Variants in PIEZO2 observed in about 807,000 individuals in gnomAD.
The protein encoded by PIEZO2 is piezo type mechanosensitive ion channel component 2.
PIEZO2 carries 172 observed loss-of-function variants against 337.3 expected under a neutral mutation model. The observed-to-expected ratio is 0.51, with a 90% CI of 0.45 to 0.58. The LOEUF (loss-of-function observed/expected upper bound fraction) is 0.58. PIEZO2 is among the 20% of genes least tolerant of loss of function. The pLI is 0.00. For synonymous variants in PIEZO2, 1,251 were observed against 1,228.5 expected (o/e 1.02, Z -0.38); for missense variants, 3,028 against 3,391.3 (o/e 0.89, Z 2.66).
At chr18:10,697,063 T>C (rs550131790) in intron 45 of PIEZO2, among the ~76,000 whole-genome samples, 50 of 152,312 alleles carry the variant, frequency 3.3e-4, no homozygotes, top group African/African-American at 1.1e-3. Context: ...TTAGGGCCTG[T>C]GTCCATGCTG....
intron 3 of PIEZO2, among the ~76,000 whole-genome samples, chr18:10,912,970 A>G (rs2030611080): frequency 1.3e-5 from 2 of 152,052 alleles, no homozygotes; most frequent in South Asian, 4.1e-4. Flanking sequence ...AGGAGTAAAA[A>G]AAAAAACACA....
chr18:10,898,104 A>G (rs1357446345), intron 4 of PIEZO2, among the ~76,000 whole-genome samples: 2 of 152,280 alleles, frequency 1.3e-5, no homozygotes, highest in Non-Finnish European at 2.9e-5. Flanking sequence ...GCACACGCTC[A>G]TGAATACAGC....
chr18:11,081,404 T>C (rs2038735562), intron 1 of PIEZO2, among the ~76,000 whole-genome samples: 1 of 152,156 alleles, frequency 6.6e-6, no homozygotes. Flanking sequence ...GAAATCAAAA[T>C]TGTAATCCCA....
intron 1 of PIEZO2, among the ~76,000 whole-genome samples, chr18:11,074,762 C>G (rs1427978175): frequency 6.6e-6 from 1 of 152,174 alleles, no homozygotes; most frequent in African/African-American, 2.4e-5. Flanking sequence ...GGCCACATAA[C>G]ATTTGTAAAA....
chr18:11,079,654 T>TAAA (rs2038669019), intron 1 of PIEZO2, among the ~76,000 whole-genome samples: 1 of 152,154 alleles, frequency 6.6e-6, no homozygotes, highest in Non-Finnish European at 1.5e-5. Context: ...AAGGAATAAA[T>TAAA]TAATTCCTGC....
Position 10,681,932 on chromosome 18 carries a change from A to G in PIEZO2, c.7686+172T>C, listed in dbSNP as rs545618. Among the ~76,000 whole-genome samples, 147,572 of 151,046 alleles carry G rather than the reference A, an allele frequency of 0.98. 72,129 individuals are homozygous for G. The highest frequency in any genetic ancestry group is 0.99 in the Admixed American group (14,887 of 15,094). On this transcript the variant is annotated intron_variant, in intron 50 of 55. Coordinates refer to ENST00000674853, the MANE Select transcript of PIEZO2 (RefSeq NM_001378183.1). Reference sequence around the variant, plus strand: ...TATTCCCGTGCTCAAGACCAAAGGGAAACTAGTCTCTCAGTGTCTTCTGCA... The same window carrying G: ...TATTCCCGTGCTCAAGACCAAAGGGGAACTAGTCTCTCAGTGTCTTCTGCA...
intron 4 of PIEZO2, among the ~76,000 whole-genome samples, chr18:10,901,445 C>G (rs1048470382): frequency 9.9e-5 from 15 of 151,942 alleles, no homozygotes; most frequent in Admixed American, 2.6e-4. Context: ...CACACACACA[C>G]ACACACACAC....
chr18:10,705,778 T>C (rs763963451), intron 40 of PIEZO2, 32 bp from the exon 41 acceptor site: 1 of 1,482,154 alleles, frequency 6.7e-7, no homozygotes. Flanking sequence ...ACAGAGCCCA[T>C]GTCTTAGCAT....
intron 3 of PIEZO2, among the ~76,000 whole-genome samples, chr18:10,970,764 T>C (rs897600339): frequency 8.0e-5 from 12 of 150,592 alleles, no homozygotes; most frequent in Admixed American, 7.9e-4. Flanking sequence ...CTTGTTAGAG[T>C]ACTTGATCCA....
intron 36 of PIEZO2, among the ~76,000 whole-genome samples, chr18:10,730,414 C>A (rs754646263): frequency 2.6e-5 from 4 of 152,264 alleles, no homozygotes; most frequent in African/African-American, 9.6e-5. Flanking sequence ...TTCACACGCT[C>A]TCATTGATTG....
In PIEZO2 at chr18:10,759,805, T is replaced by A. The variant is rs2143847243; in HGVS notation, c.3555A>T (p.Lys1185Asn). ...ACTTGGGCCAGATCTCTGCGATGGC[T>A]TTCCTTCTGCGTCTATATAAGACAG... is the stretch of plus-strand genomic sequence containing the variant. The part of the protein sequence containing the change: ...LIAVLYRRRR[K>N]AIAEIWPKYC... Residue 1185 changes from lysine (K) to asparagine (N), a missense_variant, in exon 25 of 56, where the codon AAA (lysine) becomes AAT (asparagine). Lys to Asn is a moderately conservative substitution (Grantham distance 94). Around this residue, in one of 5 missense-constraint regions of PIEZO2, gnomAD observed 1,925 missense variants for 2,051.9 expected, o/e 0.94. Transcript: ENST00000674853. The surrounding 1 kb of genome is among the most constrained non-coding windows in gnomAD (Gnocchi z 5.5). The A allele has an allele frequency of 2.0e-6, 3 of 1,537,366 alleles. No homozygotes were observed. Among genetic ancestry groups the A allele is most frequent in the Non-Finnish European group, 2.6e-6 (3 of 1,146,932 alleles).
intron 43 of PIEZO2, among the ~76,000 whole-genome samples, chr18:10,700,725 A>G (rs2035295013): frequency 6.6e-6 from 1 of 152,230 alleles, no homozygotes. Context: ...AGACTAAAAA[A>G]CAAGGTTAAT....
intron 4 of PIEZO2, among the ~76,000 whole-genome samples, chr18:10,883,534 A>C (rs1198923517): frequency 6.6e-6 from 1 of 152,230 alleles, no homozygotes; most frequent in East Asian, 1.9e-4. Flanking sequence ...TATACATTAG[A>C]GAAATACATT....
chr18:10,789,854 T>G (rs1484181750), intron 14 of PIEZO2, among the ~76,000 whole-genome samples: 2 of 152,192 alleles, frequency 1.3e-5, no homozygotes, highest in Non-Finnish European at 2.9e-5. Flanking sequence ...TTAAATTAGA[T>G]TGAAAGAGTA....
At chr18:10,704,265 T>C (rs2035468811) in intron 42 of PIEZO2, 129 bp downstream of exon 42, 1 of 1,202,578 alleles carries the variant, frequency 8.3e-7, no homozygotes, top group Non-Finnish European at 1.1e-6. Context: ...TCTGTGGAAC[T>C]GCATGTTCCA....
chr18:10,748,445 C>A lies in PIEZO2; in HGVS notation c.4424+26G>T. On this transcript the variant is annotated intron_variant, in intron 30 of 55. Coordinates refer to ENST00000674853, the MANE Select transcript of PIEZO2 (RefSeq NM_001378183.1). This position sits in a 1 kb window ranked among gnomAD's most constrained non-coding sequence, Gnocchi z 5.1. ...TTTCAGGCAAGTTTCCTGGGAGAAA[C>A]CACCTGATTTCATGGCCTGACCCAC... 4 of 1,534,624 alleles carry A rather than the reference C, an allele frequency of 2.6e-6. No individual in the cohort carries two copies. Among genetic ancestry groups the A allele is most frequent in the Non-Finnish European group, 3.5e-6 (4 of 1,145,444 alleles).
chr18:10,786,472 A>T (rs937288943), intron 16 of PIEZO2, among the ~76,000 whole-genome samples: 3 of 152,216 alleles, frequency 2.0e-5, no homozygotes, highest in Admixed American at 6.5e-5. Flanking sequence ...TCTCAGCCAC[A>T]TCAATATATT....
In PIEZO2 at chr18:10,795,849, C is replaced by T. The variant is rs2039576737; in HGVS notation, c.1528-847G>A. Among the ~76,000 whole-genome samples the T allele has an allele frequency of 6.6e-6, 1 of 152,122 alleles. No homozygotes were observed. The highest frequency in any genetic ancestry group is 1.5e-5 in the Non-Finnish European group (1 of 68,016). ...GAATTTGGAAGAGTTGTATTTTAAA[C>T]AAGAATATTAGGTTTCTCAAAAATA... On this transcript the variant is annotated intron_variant, in intron 12 of 55. Coordinates refer to ENST00000674853, the MANE Select transcript of PIEZO2 (RefSeq NM_001378183.1). This position sits in a 1 kb window ranked among gnomAD's most constrained non-coding sequence, Gnocchi z 4.4.
At chr18:11,120,137 TGAC>T (rs2039990975) in intron 1 of PIEZO2, among the ~76,000 whole-genome samples, 1 of 152,192 alleles carries the variant, frequency 6.6e-6, no homozygotes, top group Non-Finnish European at 1.5e-5. Context: ...GTCCCTAAAA[TGAC>T]GACCAGCCAC....
Sources: gnomAD v4.1 joint callset for allele counts (sites outside exome capture counted in the v4.1 genomes callset) on GRCh38, gnomAD v4.1.1 for gene constraint, gnomAD v4.1.1 regional missense constraint, Gnocchi (gnomAD v3.1) non-coding constraint, MANE v1.5 for transcripts, NCBI Gene and HGNC (gene_info 2026-07-23, HGNC 2026-07-21) for gene names.